Variants in COG4 observed in about 807,000 individuals in gnomAD.
COG4 encodes component of oligomeric golgi complex 4.
COG4 carries 65 observed loss-of-function variants against 95.1 expected under a neutral mutation model. That is an observed-to-expected ratio of 0.68 (90% CI 0.56 to 0.84). COG4 has a LOEUF of 0.84. COG4 is among the 40% of genes least tolerant of loss of function. COG4 has a pLI of 0.00. For synonymous variants in COG4, 421 were observed against 374.8 expected (o/e 1.12, Z -1.42); for missense variants, 1,045 against 989.1 (o/e 1.06, Z -0.76).
rs539530305 is a variant in COG4 at position 70,482,316 on chromosome 16, C to T, written c.1921-141G>A. The T allele has an allele frequency of 6.3e-5, 45 of 716,134 alleles. 1 individual carries two copies. Among genetic ancestry groups the T allele is most frequent in the South Asian group, 6.2e-4 (42 of 67,216 alleles). 44.4% of individuals were successfully genotyped at this position (716,134 alleles called of 1,614,324 possible). Reference sequence around the variant, plus strand: ...TCTGACTCATCTAGTTTAAAACCAGCTCAGACACCCAGGCTGGCAGAAACT... The same window carrying T: ...TCTGACTCATCTAGTTTAAAACCAGTTCAGACACCCAGGCTGGCAGAAACT... On this transcript the variant is annotated intron_variant, in intron 15 of 18. Coordinates refer to ENST00000323786, the MANE Select transcript of COG4 (RefSeq NM_015386.3).
intron 14 of COG4, 142 bp from the exon 15 acceptor site, chr16:70,482,963 TTTC>T: frequency 7.5e-6 from 4 of 530,420 alleles, no homozygotes; most frequent in South Asian, 6.6e-5. Context: ...CCTCTCCCCA[TTTC>T]TTCCTTCTCT....
At chr16:70,496,564 C>G (rs2049344417) in intron 11 of COG4, 133 bp from the exon 12 acceptor site, 6 of 837,936 alleles carry the variant, frequency 7.2e-6, no homozygotes, top group African/African-American at 1.7e-5. Flanking sequence ...CTTAAGACCA[C>G]TGTAGGAGAC....
intron 9 of COG4, among the ~76,000 whole-genome samples, chr16:70,498,755 G>A (rs939114906): frequency 6.6e-6 from 1 of 152,190 alleles, no homozygotes; most frequent in Admixed American, 6.6e-5. Context: ...GGAGATTATA[G>A]TGAATACTTT....
In COG4 at chr16:70,500,992, C is replaced by T. The variant is rs771991860; in HGVS notation, c.1161G>A (p.Val387=). The change falls in exon 9 of 19, where the codon GTG becomes GTA. Residue 387 remains valine, a synonymous_variant. Transcript: ENST00000323786. ...CTTCCTCTGAGGCCATGGAGTCTCC[C>T]ACCTCAAAATCAGAGCTAATCCTCT... ...LKKRISSDFE[V]GDSMASEEVK... is the part of the protein sequence containing the mutation. 6 of 1,614,120 alleles carry T rather than the reference C, an allele frequency of 3.7e-6. No homozygotes were observed. The highest frequency in any genetic ancestry group is 5.1e-6 in the Non-Finnish European group (6 of 1,180,034).
rs116758857 is a variant in COG4 at position 70,484,109 on chromosome 16, C to G, written c.1711-140G>C. Reference sequence around the variant, plus strand: ...GGTTTCAGAAAACCTGGATTCTATCCTGGTGGTTATCCACTTGGCTCCCAC... The same window carrying G: ...GGTTTCAGAAAACCTGGATTCTATCGTGGTGGTTATCCACTTGGCTCCCAC... On this transcript the variant is annotated intron_variant, in intron 13 of 18. Coordinates refer to ENST00000323786, the MANE Select transcript of COG4 (RefSeq NM_015386.3). 520 of 712,000 alleles carry G rather than the reference C, an allele frequency of 7.3e-4. 3 individuals are homozygous for G. In the African/African-American group the frequency reaches 8.3e-3, roughly 11 times the overall value. The allele number at this position is 712,000 out of a possible 1,614,324, so 44.1% of individuals were successfully genotyped here.
intron 12 of COG4, among the ~76,000 whole-genome samples, chr16:70,491,392 A>C (rs1383736057): frequency 6.6e-6 from 1 of 151,088 alleles, no homozygotes; most frequent in African/African-American, 2.4e-5. Context: ...GTGGTGGTGC[A>C]CATCTGTAGA....
chr16:70,522,776 T>A (rs1429357017), intron 1 of COG4, among the ~76,000 whole-genome samples: 5 of 152,192 alleles, frequency 3.3e-5, no homozygotes, highest in Non-Finnish European at 7.4e-5. Context: ...TGGAGAATAG[T>A]CCACACCCCT....
At chr16:70,497,704 A>G (rs910058781) in intron 10 of COG4, among the ~76,000 whole-genome samples, 2 of 151,984 alleles carry the variant, frequency 1.3e-5, no homozygotes, top group East Asian at 1.9e-4. Context: ...CTCCCTGAAG[A>G]GCTGAGCTGA....
chr16:70,512,202 C>T (rs1287234965), intron 5 of COG4, 37 bp downstream of exon 5: 3 of 1,596,746 alleles, frequency 1.9e-6, no homozygotes, highest in African/African-American at 2.7e-5. Flanking sequence ...AGGCAGACAG[C>T]CACACAATTA....
At chr16:70,509,153 C>T in intron 7 of COG4, 78 bp downstream of exon 7, 1 of 1,579,164 alleles carries the variant, frequency 6.3e-7, no homozygotes, top group Admixed American at 1.7e-5. Flanking sequence ...TTCACTTTTT[C>T]AAACCCTACA....
At chr16:70,522,916 A>G (rs1471676055) in intron 1 of COG4, among the ~76,000 whole-genome samples, 1 of 152,184 alleles carries the variant, frequency 6.6e-6, no homozygotes, top group African/African-American at 2.4e-5. Flanking sequence ...TCACACCCCC[A>G]AATCACTCCC....
Position 70,501,045 on chromosome 16 carries a change from T to G in COG4, c.1108A>C (p.Ser370Arg). 6.2e-7 allele frequency: 1 copy of G among 1,614,018 alleles called. No individual in the cohort carries two copies. The highest frequency in any genetic ancestry group is 8.5e-7 in the Non-Finnish European group (1 of 1,179,996). ...TTGAGGAAGCGTAAGTATAGCTCAC[T>G]GCGGGCATTCATCAGGGTGACCTCA... ...LTEVTLMNAR[S>R]ELYLRFLKKR... The change falls in exon 9 of 19, where the codon AGT becomes CGT. Residue 370 changes from serine (S) to arginine (R), a missense_variant. Physicochemically the swap from Ser to Arg is moderately radical, Grantham distance 110 (BLOSUM62 -1). Coordinates refer to ENST00000323786, the MANE Select transcript of COG4 (RefSeq NM_015386.3).
intron 12 of COG4, among the ~76,000 whole-genome samples, chr16:70,493,847 G>C (rs1023569068): frequency 1.3e-5 from 2 of 152,142 alleles, no homozygotes; most frequent in African/African-American, 4.8e-5. Flanking sequence ...AGAGGGCCTG[G>C]GGATCCCACT....
At chr16:70,501,793 A>G (rs1196529085) in intron 8 of COG4, among the ~76,000 whole-genome samples, 2 of 150,786 alleles carry the variant, frequency 1.3e-5, no homozygotes, top group African/African-American at 2.4e-5. Flanking sequence ...CTGGGATTAC[A>G]GGAGTGTGCC....
At chr16:70,499,435 C>T (rs2049403832) in intron 9 of COG4, among the ~76,000 whole-genome samples, 3 of 152,186 alleles carry the variant, frequency 2.0e-5, no homozygotes, top group African/African-American at 4.8e-5. Flanking sequence ...TTCTGTAATG[C>T]CCCTGCCACA....
intron 12 of COG4, among the ~76,000 whole-genome samples, chr16:70,495,289 C>G (rs1363647565): frequency 2.7e-5 from 4 of 150,116 alleles, no homozygotes; most frequent in African/African-American, 9.8e-5. Flanking sequence ...CCCAGCTACT[C>G]GGGAGGCTAA....
At chr16:70,490,478 C>T (rs1597661685) in intron 12 of COG4, 86 bp from the exon 13 acceptor site, 1 of 1,109,086 alleles carries the variant, frequency 9.0e-7, no homozygotes, top group East Asian at 2.4e-5. Flanking sequence ...CAGCTGTGCT[C>T]CATGAAGCTC....
rs1035640253 is a variant in COG4, at chr16:70,480,798, G to A, written c.*212C>T. 5.0e-5 allele frequency: 30 copies of A among 599,326 alleles called. 1 individual carries two copies. Among genetic ancestry groups the A allele is most frequent in the East Asian group, 2.9e-4 (10 of 34,808 alleles). 37.1% of individuals were successfully genotyped at this position (599,326 alleles called of 1,614,324 possible). A position where few individuals can be genotyped will look rare whatever the true frequency, so the allele number is the denominator to read the frequency against. On this transcript the variant is annotated 3_prime_UTR_variant, in exon 19 of 19. Transcript: ENST00000323786. Reference sequence around the variant, plus strand: ...ACCTCATTAGGAGCCCGCTTCTCTCGGTGGGGAGATGCTGCCCCCAGAGCA... The same window carrying A: ...ACCTCATTAGGAGCCCGCTTCTCTCAGTGGGGAGATGCTGCCCCCAGAGCA...
chr16:70,509,851 G>A (rs1173438000), intron 6 of COG4, 65 bp downstream of exon 6: 2 of 1,208,850 alleles, frequency 1.7e-6, no homozygotes, highest in African/African-American at 3.0e-5. Context: ...AGGGTGAGAA[G>A]AAAGGCTAGG....
Sources: allele counts gnomAD v4.1 joint callset (sites outside exome capture counted in the v4.1 genomes callset), GRCh38; gene constraint gnomAD v4.1.1; transcripts MANE v1.5; gene names NCBI Gene and HGNC (gene_info 2026-07-23, HGNC 2026-07-21).